The following KMT5B variants were observed in gnomAD, a reference collection of about 807,000 sequenced individuals.
KMT5B encodes the protein lysine methyltransferase 5B, also known as histone-lysine N-methyltransferase KMT5B.
In KMT5B, 10 loss-of-function variants were observed where a neutral mutation model predicts 83.2. The observed-to-expected ratio is 0.12, with a 90% CI of 0.07 to 0.20. The LOEUF (loss-of-function observed/expected upper bound fraction) is 0.20. Among genes scored for constraint, KMT5B ranks in the 10% least tolerant of loss-of-function variants. The pLI is 1.00. For synonymous variants in KMT5B, 349 were observed against 388.8 expected (o/e 0.90, Z 1.20); for missense variants, 753 against 1,067.2 (o/e 0.71, Z 4.10).
chr11:68,158,297 G>A lies in KMT5B; in HGVS notation c.2049C>T (p.Phe683=), dbSNP rs1367468901. Residue 683 remains phenylalanine (F), a synonymous_variant, in exon 11 of 11, where the codon TTC becomes TTT. Transcript: ENST00000304363. ...VGCSVVTSDS[F]KTKDSFRTAK... is the part of the protein sequence containing the mutation. ...CAGTTCTAAAGCTGTCTTTTGTTTT[G>A]AAGCTATCTGATGTCACAACTGAAC... 3.7e-6 allele frequency: 6 copies of A among 1,614,086 alleles called. No homozygotes were observed. Among genetic ancestry groups the A allele is most frequent in the Admixed American group, 3.3e-5 (2 of 60,016 alleles).
Position 68,180,173 on chromosome 11 carries a change from A to C in KMT5B, c.336T>G (p.His112Gln), listed in dbSNP as rs1422356257. Residue 112 changes from histidine (H) to glutamine (Q), a missense_variant, in exon 4 of 11, where the codon CAT becomes CAG. Physicochemically the swap from His to Gln is conservative, Grantham distance 24 (BLOSUM62 0). Around this residue, in one of 9 missense-constraint regions of KMT5B, gnomAD observed 71 missense variants for 107.0 expected, o/e 0.66. Coordinates refer to ENST00000304363, the MANE Select transcript of KMT5B (RefSeq NM_017635.5). The part of the protein sequence containing the change: ...TSAFPSRSSR[H>Q]FSKSDSFSHN... ...GAGAAAAACTGTCAGATTTTGAAAAATGCCTTGAGCTCCTCGAAGGAAAGG... is the reference window on the plus strand; with the variant it reads ...GAGAAAAACTGTCAGATTTTGAAAACTGCCTTGAGCTCCTCGAAGGAAAGG... 6.4e-7 allele frequency: 1 copy of C among 1,574,290 alleles called. No individual in the cohort carries two copies. Among genetic ancestry groups the C allele is most frequent in the Non-Finnish European group, 8.7e-7 (1 of 1,147,904 alleles).
rs140689187 is a variant in KMT5B, at chr11:68,159,680, T to C, written c.1175-509A>G. On this transcript the variant is annotated intron_variant, in intron 10 of 10. Coordinates refer to ENST00000304363, the MANE Select transcript of KMT5B (RefSeq NM_017635.5). ...CATGGGCTCTAAGGAACAAATTCTATCGCAATGGTTTCAAACAAGAAAAAC... is the reference window on the plus strand; with the variant it reads ...CATGGGCTCTAAGGAACAAATTCTACCGCAATGGTTTCAAACAAGAAAAAC... Among the ~76,000 whole-genome samples, 9 of 152,320 alleles carry C rather than the reference T, an allele frequency of 5.9e-5. No individual in the cohort carries two copies. The East Asian group carries it at 1.7e-3, about 29-fold the overall frequency.
chr11:68,160,500 A>C (rs570430751), intron 10 of KMT5B, among the ~76,000 whole-genome samples: 1 of 152,316 alleles, frequency 6.6e-6, no homozygotes, highest in East Asian at 1.9e-4. Context: ...GGAGGATAAA[A>C]ACAATAAAAC....
Position 68,185,882 on chromosome 11 carries a change from G to T in KMT5B, c.207C>A (p.Ser69=). The change falls in exon 3 of 11, where the codon TCC becomes TCA. Residue 69 remains serine (S), a synonymous_variant. Transcript: ENST00000304363. ...GFEGQSRYVP[S]SGMSAKELCE... ...AGAGTTCCTTGGCGGACATTCCAGAGGATGGTACATAGCGACTCTGTCCTT... is the reference window on the plus strand; with the variant it reads ...AGAGTTCCTTGGCGGACATTCCAGATGATGGTACATAGCGACTCTGTCCTT... 1 of 1,614,116 alleles carries T rather than the reference G, an allele frequency of 6.2e-7. No homozygotes were observed.
intron 4 of KMT5B, 49 bp from the exon 5 acceptor site, chr11:68,175,232 C>T (rs1856239633): frequency 6.8e-7 from 1 of 1,468,918 alleles, no homozygotes; most frequent in Non-Finnish European, 9.5e-7. Context: ...AATCCTTGCG[C>T]CACTGATCCA....
rs898680560 is a variant in KMT5B, at chr11:68,162,243, G to C, written c.1175-3072C>G. Among the ~76,000 whole-genome samples, 8 of 152,216 alleles carry C rather than the reference G, an allele frequency of 5.3e-5. No homozygotes were observed. In the East Asian group the frequency reaches 1.2e-3, roughly 22 times the overall value. ...CCACATAGCCAGGATGACTTTCCTA[G>C]TGTATCATGCAGCTTCTGGGCTTTA... On this transcript the variant is annotated intron_variant, in intron 10 of 10. Transcript: ENST00000304363.
chr11:68,160,640 C>A (rs1161768118), intron 10 of KMT5B, among the ~76,000 whole-genome samples: 1 of 152,128 alleles, frequency 6.6e-6, no homozygotes, highest in East Asian at 1.9e-4. Context: ...AAGTAAGTTA[C>A]CATAAGTTCA....
chr11:68,161,197 A>AT (rs964516334), intron 10 of KMT5B, among the ~76,000 whole-genome samples: 5 of 151,748 alleles, frequency 3.3e-5, no homozygotes, highest in South Asian at 2.1e-4. Context: ...GTGATAGCAA[A>AT]TTTTTTTTTA....
Position 68,158,868 on chromosome 11 carries a change from T to A in KMT5B, c.1478A>T (p.Asp493Val), listed in dbSNP as rs1854615093. Residue 493 changes from aspartate (D) to valine (V), a missense_variant, in exon 11 of 11, where the codon GAT becomes GTT. Around this residue, in one of 9 missense-constraint regions of KMT5B, gnomAD observed 397 missense variants for 395.9 expected, o/e 1.00. Transcript: ENST00000304363. ...VLYKNLPIKK[D>V]KEPEGPAQAA... ...TTGGGCTGGTCCCTCTGGCTCCTTA[T>A]CTTTTTTAATGGGCAAATTTTTATA... 3 of 1,614,090 alleles carry A rather than the reference T, an allele frequency of 1.9e-6. No individual in the cohort carries two copies. The highest frequency in any genetic ancestry group is 1.7e-5 in the Admixed American group (1 of 60,010).
intron 1 of KMT5B, among the ~76,000 whole-genome samples, chr11:68,210,676 C>G (rs1860781841): frequency 6.6e-6 from 1 of 152,190 alleles, no homozygotes; most frequent in Non-Finnish European, 1.5e-5. Context: ...CGGAGACCGG[C>G]TAGCCCCAAA....
At chr11:68,197,210 T>G (rs1012983953) in intron 1 of KMT5B, among the ~76,000 whole-genome samples, 1 of 152,102 alleles carries the variant, frequency 6.6e-6, no homozygotes, top group African/African-American at 2.4e-5. Context: ...CCTGACCTCA[T>G]GATCTGCCTG....
chr11:68,181,075 CTTTT>C (rs71461690), intron 3 of KMT5B, among the ~76,000 whole-genome samples: 1 of 143,682 alleles, frequency 7.0e-6, no homozygotes, highest in Non-Finnish European at 1.5e-5. Context: ...TTTCTTTTTT[CTTTT>C]TTTTTTTTTT....
At position 68,171,446 on chromosome 11, in the gene KMT5B, AAAGG is replaced by A; in HGVS notation, c.820+93_820+96del. ...ACATTTCTATTTCAAATTCTCCTTT[AAAGG>A]AAGATAAAGGTTTGACTGAGGTTGA... On this transcript the variant is annotated intron_variant, in intron 7 of 10. Transcript: ENST00000304363. This position sits in a 1 kb window ranked among gnomAD's most constrained non-coding sequence, Gnocchi z 5.1. The A allele has an allele frequency of 7.3e-7, 1 of 1,365,042 alleles. No homozygotes were observed. 84.6% of individuals were successfully genotyped at this position (1,365,042 alleles called of 1,614,324 possible). A position where few individuals can be genotyped will look rare whatever the true frequency, so the allele number is the denominator to read the frequency against.
chr11:68,157,291 GCTA>G lies in KMT5B; in HGVS notation c.*394_*396del, dbSNP rs1197031364. The G allele has an allele frequency of 3.2e-5, 5 of 156,980 alleles. No individual in the cohort carries two copies. Among genetic ancestry groups the G allele is most frequent in the Admixed American group, 6.4e-5 (1 of 15,548 alleles). 9.7% of individuals were successfully genotyped at this position (156,980 alleles called of 1,614,324 possible). A position where few individuals can be genotyped will look rare whatever the true frequency, so the allele number is the denominator to read the frequency against. On this transcript the variant is annotated 3_prime_UTR_variant, in exon 11 of 11. Transcript: ENST00000304363. ...GCATACTAGAAACCCTTAATATGCTGCTACTATGATTTGTTTTAAATTATTGTT... is the reference window on the plus strand; with the variant it reads ...GCATACTAGAAACCCTTAATATGCTGCTATGATTTGTTTTAAATTATTGTT...
chr11:68,191,667 AT>A (rs1483091580), intron 1 of KMT5B, among the ~76,000 whole-genome samples: 1 of 152,212 alleles, frequency 6.6e-6, no homozygotes, highest in African/African-American at 2.4e-5. Context: ...ATGTGTTTGT[AT>A]TTTAAGCCAA....
At chr11:68,185,191 G>A (rs1042757337) in intron 3 of KMT5B, among the ~76,000 whole-genome samples, 5 of 152,064 alleles carry the variant, frequency 3.3e-5, no homozygotes, top group African/African-American at 1.2e-4. Context: ...TTTTCTTTTC[G>A]CTAAGATAAT....
intron 3 of KMT5B, among the ~76,000 whole-genome samples, chr11:68,182,304 A>C (rs1284283263): frequency 6.6e-6 from 1 of 152,188 alleles, no homozygotes; most frequent in South Asian, 2.1e-4. Flanking sequence ...AGCTATTCCA[A>C]GTGTAGTCTG....
chr11:68,160,478 T>A (rs1051396072), intron 10 of KMT5B, among the ~76,000 whole-genome samples: 1 of 152,102 alleles, frequency 6.6e-6, no homozygotes, highest in Non-Finnish European at 1.5e-5. Context: ...TCACCACCTC[T>A]CATCAGAACA....
intron 10 of KMT5B, chr11:68,166,574 G>A: frequency 9.9e-7 from 1 of 1,007,756 alleles, no homozygotes; most frequent in Non-Finnish European, 1.2e-6. Flanking sequence ...AATTCCCCAA[G>A]TCCATCATCT....
Sources: gnomAD v4.1 joint callset for allele counts (sites outside exome capture counted in the v4.1 genomes callset) on GRCh38, gnomAD v4.1.1 for gene constraint, gnomAD v4.1.1 regional missense constraint, Gnocchi (gnomAD v3.1) non-coding constraint, MANE v1.5 for transcripts, NCBI Gene and HGNC (gene_info 2026-07-23, HGNC 2026-07-21) for gene names.